Variants in TENM3 observed in about 807,000 individuals in gnomAD.
TENM3 encodes the protein teneurin transmembrane protein 3.
A neutral mutation model predicts 255.1 loss-of-function variants in TENM3; 63 were observed. That is an observed-to-expected ratio of 0.25 (90% CI 0.20 to 0.30). The LOEUF (loss-of-function observed/expected upper bound fraction) is 0.30. Among genes scored for constraint, TENM3 ranks in the 10% least tolerant of loss-of-function variants. The probability of loss-of-function intolerance (pLI) is 1.00; values close to 1 mark genes in which losing one functional copy is unlikely to be tolerated. For missense variants in TENM3, 2,929 were observed against 3,461.1 expected (o/e 0.85, Z 3.86); for synonymous variants, 1,306 against 1,322.3 (o/e 0.99, Z 0.27).
At chr4:181,679,499 T>C in the TENM3 span, among the ~76,000 whole-genome samples, 1 of 152,128 alleles carries the variant, frequency 6.6e-6, no homozygotes, top group African/African-American at 2.4e-5. Flanking sequence ...CAAAACCAGA[T>C]GAGTATAAAC....
chr4:182,344,928 A>G (rs1165167913), intron 2 of TENM3, among the ~76,000 whole-genome samples: 1 of 152,352 alleles, frequency 6.6e-6, no homozygotes, highest in Non-Finnish European at 1.5e-5. Context: ...TGATTTTAAC[A>G]TGCTAACAAT....
intron 3 of TENM3, among the ~76,000 whole-genome samples, chr4:182,358,274 T>C (rs1765705239): frequency 7.2e-6 from 1 of 139,280 alleles, no homozygotes; most frequent in Non-Finnish European, 1.6e-5. Context: ...GGTAGCTTGA[T>C]GGGGATGGCA....
Position 182,255,569 on chromosome 4 carries a change from G to C in TENM3, c.-76+12093G>C, listed in dbSNP as rs529374537. Among the ~76,000 whole-genome samples, 30 of 152,260 alleles carry C rather than the reference G, an allele frequency of 2.0e-4. No homozygotes were observed. The East Asian group carries it at 5.6e-3, about 28-fold the overall frequency. The stretch of plus-strand genomic sequence containing the variant: ...AAGCATCTTTAGCAACTACCTGATG[G>C]CCAGCAGTCCAGCTAGATCTGAGTC... On this transcript the variant is annotated intron_variant, in intron 1 of 27. Coordinates refer to ENST00000511685, the MANE Select transcript of TENM3 (RefSeq NM_001080477.4).
the TENM3 span, among the ~76,000 whole-genome samples, chr4:181,476,391 T>C: frequency 6.6e-6 from 1 of 152,070 alleles, no homozygotes; most frequent in Non-Finnish European, 1.5e-5. Flanking sequence ...GAGGGCAGGT[T>C]CCTCCCACCA....
the TENM3 span, among the ~76,000 whole-genome samples, chr4:181,569,999 G>A: frequency 9.9e-5 from 15 of 151,684 alleles, no homozygotes; most frequent in African/African-American, 3.6e-4. Flanking sequence ...AGACCAGCCT[G>A]GGCAACCTAA....
At chr4:181,605,567 AAAGAGAGAGAAAGAAAGG>A in the TENM3 span, among the ~76,000 whole-genome samples, 42 of 31,874 alleles carry the variant, frequency 1.3e-3, 2 homozygotes, top group African/African-American at 2.3e-3. Flanking sequence ...AGAAAGAAAG[AAAGAGAGAGAAAGAAAGG>A]AAAGAAAGAA....
At chr4:182,750,686 A>T (rs566124639) in intron 19 of TENM3, among the ~76,000 whole-genome samples, 1 of 152,280 alleles carries the variant, frequency 6.6e-6, no homozygotes, top group African/African-American at 2.4e-5. Flanking sequence ...GGAAACAAGC[A>T]TGTAACTGTG....
At chr4:181,541,459 T>A in the TENM3 span, among the ~76,000 whole-genome samples, 2 of 152,068 alleles carry the variant, frequency 1.3e-5, no homozygotes, top group Admixed American at 6.5e-5. Context: ...CTCAAGAAAG[T>A]CGTTCTTGAG....
Position 182,743,329 on chromosome 4 carries a change from G to A in TENM3, c.3539G>A (p.Cys1180Tyr). 7 of 1,614,024 alleles carry A rather than the reference G, an allele frequency of 4.3e-6. No homozygotes were observed. The highest frequency in any genetic ancestry group is 5.1e-6 in the Non-Finnish European group (6 of 1,179,876). Reference protein sequence around the residue: ...NKLLAPVALACGIDGSLYVGD... With the variant: ...NKLLAPVALAYGIDGSLYVGD... ...TTACTGGCCCCAGTGGCGCTAGCTT[G>A]TGGGATCGATGGCAGTCTGTACGTA... Residue 1180 changes from cysteine (C) to tyrosine (Y), a missense_variant, in exon 19 of 28, where the codon TGT (cysteine) becomes TAT (tyrosine). By Grantham distance (194) the Cys-to-Tyr change is radical. Around this residue, in one of 6 missense-constraint regions of TENM3, gnomAD observed 1,608 missense variants for 1,884.4 expected, o/e 0.85. Transcript: ENST00000511685.
chr4:182,107,945 G>A, the TENM3 span, among the ~76,000 whole-genome samples: 6 of 152,258 alleles, frequency 3.9e-5, no homozygotes, highest in South Asian at 2.1e-4. Context: ...TTCAAGGAGC[G>A]TAAATCAAGG....
At position 182,755,247 on chromosome 4, in the gene TENM3, C is replaced by T. The variant is rs760162792; in HGVS notation, c.4880C>T (p.Thr1627Ile). ...LATKSDETGWTTFFDYDSEGR... is the reference protein window; with the variant it reads ...LATKSDETGWITFFDYDSEGR... ...ACTAAAAGTGATGAAACTGGATGGA[C>T]AACGTTTTTTGAGTAAGTATATGAA... Residue 1627 changes from threonine to isoleucine, a missense_variant, in exon 22 of 28, where the codon ACA becomes ATA. Coordinates refer to ENST00000511685, the MANE Select transcript of TENM3 (RefSeq NM_001080477.4). The T allele has an allele frequency of 2.5e-6, 4 of 1,596,742 alleles. No individual in the cohort carries two copies. In the South Asian group the frequency reaches 3.4e-5, roughly 13 times the overall value.
intron 4 of TENM3, among the ~76,000 whole-genome samples, chr4:182,628,159 C>T (rs918273599): frequency 1.3e-5 from 2 of 152,150 alleles, no homozygotes; most frequent in African/African-American, 4.8e-5. Flanking sequence ...TTTCCATGGA[C>T]ATCCAGAAAA....
At chr4:181,892,205 T>G in the TENM3 span, among the ~76,000 whole-genome samples, 1 of 152,242 alleles carries the variant, frequency 6.6e-6, no homozygotes, top group Non-Finnish European at 1.5e-5. Context: ...TCCTTGCTTC[T>G]ATGAATTGCA....
At chr4:181,636,568 C>T in the TENM3 span, among the ~76,000 whole-genome samples, 3 of 152,168 alleles carry the variant, frequency 2.0e-5, no homozygotes, top group Non-Finnish European at 4.4e-5. Context: ...AGGTTCCTCT[C>T]TTCCTCTCAC....
chr4:181,461,084 G>T, the TENM3 span, among the ~76,000 whole-genome samples: 4 of 151,898 alleles, frequency 2.6e-5, no homozygotes, highest in Non-Finnish European at 5.9e-5. Context: ...CTTATCTGAA[G>T]AGAAAAAGCT....
the TENM3 span, among the ~76,000 whole-genome samples, chr4:182,096,135 A>AC: frequency 2.0e-5 from 3 of 151,640 alleles, no homozygotes; most frequent in African/African-American, 7.3e-5. Flanking sequence ...GTCTCAAAAA[A>AC]AAAAAAAAAG....
the TENM3 span, among the ~76,000 whole-genome samples, chr4:181,949,152 T>A: frequency 2.9e-4 from 44 of 152,246 alleles, no homozygotes; most frequent in Admixed American, 9.8e-4. Flanking sequence ...ATGTGGCCAT[T>A]AACCCAAGCA....
chr4:182,480,702 CT>C (rs1277641915), intron 3 of TENM3, among the ~76,000 whole-genome samples: 2 of 151,464 alleles, frequency 1.3e-5, no homozygotes, highest in Admixed American at 6.6e-5. Flanking sequence ...TTTAATTTTT[CT>C]TTTTTTTGAA....
At chr4:182,187,778 A>T (rs909679958) in intron 1 of TENM3, among the ~76,000 whole-genome samples, 13 of 152,236 alleles carry the variant, frequency 8.5e-5, no homozygotes, top group Non-Finnish European at 1.3e-4. Flanking sequence ...TATATGAAAA[A>T]GACATTTTTA....
Sources: gnomAD v4.1 joint callset for allele counts (sites outside exome capture counted in the v4.1 genomes callset) on GRCh38, gnomAD v4.1.1 for gene constraint, gnomAD v4.1.1 regional missense constraint, MANE v1.5 for transcripts, NCBI Gene and HGNC (gene_info 2026-07-23, HGNC 2026-07-21) for gene names.